Variants in IPO8 observed in about 807,000 individuals in gnomAD.
IPO8 encodes importin 8, also known as importin-8.
IPO8 carries 65 observed loss-of-function variants against 141.2 expected under a neutral mutation model. The observed-to-expected ratio is 0.46, with a 90% CI of 0.38 to 0.57. IPO8 has a LOEUF of 0.57. Ranked by LOEUF, IPO8 falls within the 20% of genes least tolerant of loss-of-function variation. The probability of loss-of-function intolerance (pLI) is 0.00; values close to 1 mark genes in which losing one functional copy is unlikely to be tolerated. For synonymous variants in IPO8, 411 were observed against 420.3 expected (o/e 0.98, Z 0.27); for missense variants, 980 against 1,246.8 (o/e 0.79, Z 3.22).
intron 3 of IPO8, among the ~76,000 whole-genome samples, chr12:30,682,999 C>A (rs1180850469): frequency 6.6e-6 from 1 of 151,996 alleles, no homozygotes; most frequent in Non-Finnish European, 1.5e-5. Flanking sequence ...CTCCTTTAAA[C>A]AATAAATGTC....
chr12:30,651,663 G>A (rs888143906), intron 19 of IPO8, among the ~76,000 whole-genome samples: 2 of 151,938 alleles, frequency 1.3e-5, no homozygotes, highest in African/African-American at 4.8e-5. Flanking sequence ...ACCAATAGTG[G>A]GCCAAACCTA....
In IPO8 at chr12:30,677,159, T is replaced by A. The variant is rs766069606; in HGVS notation, c.640-572A>T. ...TAGACAATCTTTGCCCTCACGAAGCTTACACTCTAACTGGAAAAAATGTAT... is the reference window on the plus strand; with the variant it reads ...TAGACAATCTTTGCCCTCACGAAGCATACACTCTAACTGGAAAAAATGTAT... On this transcript the variant is annotated intron_variant, in intron 5 of 24. Transcript: ENST00000256079. The A allele has an allele frequency of 3.3e-6, 4 of 1,218,040 alleles. No individual in the cohort carries two copies. In the South Asian group the frequency reaches 3.9e-5, roughly 12 times the overall value. 75.5% of individuals were successfully genotyped at this position (1,218,040 alleles called of 1,614,324 possible). A position where few individuals can be genotyped will look rare whatever the true frequency, so the allele number is the denominator to read the frequency against.
In IPO8 at chr12:30,695,622, G is replaced by A; in HGVS notation, c.26C>T (p.Ala9Val). 6.2e-7 allele frequency: 1 copy of A among 1,614,146 alleles called. No homozygotes were observed. Among genetic ancestry groups the A allele is most frequent in the South Asian group, 1.1e-5 (1 of 91,086 alleles). Reference sequence around the variant, plus strand: ...CTTCGGGTCGATGGTGCCCTTCAGCGCCTGGATGATCCGGTTGAGGTCCAT... The same window carrying A: ...CTTCGGGTCGATGGTGCCCTTCAGCACCTGGATGATCCGGTTGAGGTCCAT... MDLNRIIQ[A>V]LKGTIDPKLR... Residue 9 changes from alanine (A) to valine (V), a missense_variant, in exon 1 of 25, where the codon GCG becomes GTG. Physicochemically the swap from Ala to Val is moderately conservative, Grantham distance 64. Around this residue, in one of 3 missense-constraint regions of IPO8, gnomAD observed 40 missense variants for 46.3 expected, o/e 0.86. Coordinates refer to ENST00000256079, the MANE Select transcript of IPO8 (RefSeq NM_006390.4). This position sits in a 1 kb window ranked among gnomAD's most constrained non-coding sequence, Gnocchi z 4.2.
At chr12:30,689,237 T>C (rs2053269690) in intron 2 of IPO8, among the ~76,000 whole-genome samples, 1 of 152,186 alleles carries the variant, frequency 6.6e-6, no homozygotes, top group Non-Finnish European at 1.5e-5. Flanking sequence ...TTCCATGTCA[T>C]TAAAGGAAGA....
In IPO8 at chr12:30,663,594, T is replaced by C; in HGVS notation, c.1489A>G (p.Asn497Asp). The change falls in exon 14 of 25, where the codon AAT (asparagine) becomes GAT (aspartate). Residue 497 changes from asparagine (N) to aspartate (D), a missense_variant. Asn to Asp is a conservative substitution (Grantham distance 23). This residue lies in a region of IPO8 where 924 missense variants were observed against 1,153.9 expected (regional missense o/e 0.80). Transcript: ENST00000256079. ...CTCTTCTTCGCTAATTCAACGGCATTTCTTAGATTGAGCTCATTATGGAAC... is the reference window on the plus strand; with the variant it reads ...CTCTTCTTCGCTAATTCAACGGCATCTCTTAGATTGAGCTCATTATGGAAC... Reference protein sequence around the residue: ...LKFHNELNLRNAVELAKKSLI... With the variant: ...LKFHNELNLRDAVELAKKSLI... The C allele has an allele frequency of 1.9e-6, 3 of 1,613,470 alleles. No individual in the cohort carries two copies. Among genetic ancestry groups the C allele is most frequent in the Non-Finnish European group, 2.5e-6 (3 of 1,179,860 alleles).
At chr12:30,673,603 CATATT>C (rs1479241530) in intron 8 of IPO8, among the ~76,000 whole-genome samples, 3 of 152,130 alleles carry the variant, frequency 2.0e-5, no homozygotes, top group African/African-American at 7.2e-5. Flanking sequence ...CAGACCAATT[CATATT>C]ATATAAGTCT....
intron 19 of IPO8, 99 bp from the exon 20 acceptor site, chr12:30,649,331 C>T: frequency 1.3e-6 from 1 of 773,918 alleles, no homozygotes; most frequent in Non-Finnish European, 2.1e-6. Flanking sequence ...GCCATAGGAA[C>T]CACAGCTTTG....
At position 30,630,351 on chromosome 12, in the gene IPO8, T is replaced by A. The variant is rs2052413575; in HGVS notation, c.*509A>T. The stretch of plus-strand genomic sequence containing the variant: ...ATTTTGAAACCAGAGTGACTTGCAG[T>A]AACTGCCTAACAATAAATTCACAGA... On this transcript the variant is annotated 3_prime_UTR_variant, in exon 25 of 25. Transcript: ENST00000256079. 1 of 152,272 alleles carries A rather than the reference T, an allele frequency of 6.6e-6. No individual in the cohort carries two copies. Among genetic ancestry groups the A allele is most frequent in the Non-Finnish European group, 1.5e-5 (1 of 68,098 alleles). The allele number at this position is 152,272 out of a possible 1,614,324, so 9.4% of individuals were successfully genotyped here.
In IPO8 at chr12:30,636,993, A is replaced by G. The variant is rs1049566704; in HGVS notation, c.2684T>C (p.Met895Thr). ...TTAGAAGACTTTACCATTTTCTTCCATATCAGCTTTCTCTGCTTTTGAACG... is the reference window on the plus strand; with the variant it reads ...TTAGAAGACTTTACCATTTTCTTCCGTATCAGCTTTCTCTGCTTTTGAACG... ...EDRSKAEKAD[M>T]EENEEISSDE... The change falls in exon 22 of 25, where the codon ATG (methionine) becomes ACG (threonine). Residue 895 changes from methionine to threonine, a missense_variant. By Grantham distance (81) the Met-to-Thr change is moderately conservative. Coordinates refer to ENST00000256079, the MANE Select transcript of IPO8 (RefSeq NM_006390.4). The G allele has an allele frequency of 6.2e-7, 1 of 1,613,708 alleles. No homozygotes were observed. The highest frequency in any genetic ancestry group is 1.1e-5 in the South Asian group (1 of 91,070).
rs746993551 is a variant in IPO8 at position 30,684,259 on chromosome 12, T to C, written c.323+42A>G. The C allele has an allele frequency of 5.7e-6, 9 of 1,590,682 alleles. No homozygotes were observed. In the South Asian group the frequency reaches 7.9e-5, roughly 14 times the overall value. ...CAGCACCCACCCTCAGATCTAACCA[T>C]TTCATGCTTTCTAGTAATCACAAAT... is the stretch of plus-strand genomic sequence containing the variant. On this transcript the variant is annotated intron_variant, in intron 3 of 24. Transcript: ENST00000256079.
chr12:30,688,290 G>T, intron 2 of IPO8: 1 of 285,830 alleles, frequency 3.5e-6, no homozygotes, highest in South Asian at 2.9e-5. Flanking sequence ...TGTTTTGCTT[G>T]GCAACATCAA....
chr12:30,663,760 A>T, intron 13 of IPO8, 106 bp from the exon 14 acceptor site: 1 of 890,928 alleles, frequency 1.1e-6, no homozygotes, highest in African/African-American at 1.7e-5. Flanking sequence ...CTATGAAGAA[A>T]TGTTTGCTTT....
At chr12:30,665,599 AAGG>A in intron 12 of IPO8, 127 bp downstream of exon 12, 1 of 647,914 alleles carries the variant, frequency 1.5e-6, no homozygotes. Flanking sequence ...AGATGACAGA[AAGG>A]AGGATAGTTG....
intron 17 of IPO8, among the ~76,000 whole-genome samples, chr12:30,655,771 G>A (rs1336370872): frequency 6.6e-6 from 1 of 152,138 alleles, no homozygotes; most frequent in East Asian, 1.9e-4. Context: ...TATTAGCAGT[G>A]CATGCTCAAC....
intron 10 of IPO8, among the ~76,000 whole-genome samples, chr12:30,668,052 CAA>C (rs1289517486): frequency 1.8e-5 from 2 of 111,736 alleles, no homozygotes; most frequent in Non-Finnish European, 3.9e-5. Flanking sequence ...GTCACTGGAA[CAA>C]AAAAAAGAGA....
chr12:30,669,192 T>A lies in IPO8; in HGVS notation c.1135A>T (p.Met379Leu). Residue 379 changes from methionine to leucine, a missense_variant, in exon 10 of 25, where the codon ATG (methionine) becomes TTG (leucine). Met to Leu is a conservative substitution (Grantham distance 15, BLOSUM62 2). Coordinates refer to ENST00000256079, the MANE Select transcript of IPO8 (RefSeq NM_006390.4). ...WQEDPYEYIR[M>L]KFDIFEDYAS... ...AAACCATCTCAATTACCAAATTTCA[T>A]CCTTATATACTCATATGGATCTTCT... The A allele has an allele frequency of 6.6e-7, 1 of 1,514,412 alleles. No individual in the cohort carries two copies. Among genetic ancestry groups the A allele is most frequent in the Non-Finnish European group, 9.0e-7 (1 of 1,108,624 alleles). The allele number at this position is 1,514,412 out of a possible 1,614,324, so 93.8% of individuals were successfully genotyped here.
rs1474084779 is a variant in IPO8, at chr12:30,639,616, C to T, written c.2388G>A (p.Leu796=). The T allele has an allele frequency of 1.2e-6, 2 of 1,614,038 alleles. No homozygotes were observed. Among genetic ancestry groups the T allele is most frequent in the Admixed American group, 3.3e-5 (2 of 60,014 alleles). Reference sequence around the variant, plus strand: ...GAATTCGTTCTAAAGTATGTAGCAGCAAATCAGGGTTGTAGTACAAGGCAG... The same window carrying T: ...GAATTCGTTCTAAAGTATGTAGCAGTAAATCAGGGTTGTAGTACAAGGCAG... The part of the protein sequence containing the change: ...AIAALYYNPD[L]LLHTLERIQL... Residue 796 remains leucine (L), a synonymous_variant, in exon 21 of 25, where the codon TTG becomes TTA. Coordinates refer to ENST00000256079, the MANE Select transcript of IPO8 (RefSeq NM_006390.4).
intron 2 of IPO8, among the ~76,000 whole-genome samples, chr12:30,687,803 T>C (rs2053256747): frequency 6.6e-6 from 1 of 152,138 alleles, no homozygotes. Context: ...TCTTAACAAA[T>C]AACCTCTAAA....
intron 16 of IPO8, among the ~76,000 whole-genome samples, chr12:30,659,344 G>C (rs1188646347): frequency 6.6e-6 from 1 of 152,000 alleles, no homozygotes; most frequent in Non-Finnish European, 1.5e-5. Flanking sequence ...ACAAAAATTA[G>C]CCTGGCGTGG....
Sources: gnomAD v4.1 joint callset for allele counts (sites outside exome capture counted in the v4.1 genomes callset) on GRCh38, gnomAD v4.1.1 for gene constraint, gnomAD v4.1.1 regional missense constraint, Gnocchi (gnomAD v3.1) non-coding constraint, MANE v1.5 for transcripts, NCBI Gene and HGNC (gene_info 2026-07-23, HGNC 2026-07-21) for gene names.